CD2AP: variants seen among roughly 807,000 people sequenced by gnomAD.
CD2AP encodes the protein CD2-associated protein.
CD2AP carries 46 observed loss-of-function variants against 85.1 expected under a neutral mutation model. The ratio of observed to expected loss-of-function variants is 0.54; its 90% confidence interval spans 0.43 to 0.69. The LOEUF is 0.69. Among genes scored for constraint, CD2AP ranks in the 30% least tolerant of loss-of-function variants. The pLI is 0.00. For missense variants in CD2AP, 769 were observed against 729.5 expected (o/e 1.05, Z -0.62); for synonymous variants, 255 against 252.9 (o/e 1.01, Z -0.08).
intron 5 of CD2AP, among the ~76,000 whole-genome samples, chr6:47,561,217 T>C (rs1212286114): frequency 6.6e-6 from 1 of 152,218 alleles, no homozygotes; most frequent in Non-Finnish European, 1.5e-5. Context: ...TATAAATCCA[T>C]GAAAACATGT....
intron 5 of CD2AP, among the ~76,000 whole-genome samples, chr6:47,559,648 A>G (rs1255920246): frequency 2.0e-5 from 3 of 152,214 alleles, no homozygotes; most frequent in Non-Finnish European, 4.4e-5. Context: ...TCTAGAAATC[A>G]TTAAGATTAT....
At chr6:47,606,422 G>C in intron 14 of CD2AP, 145 bp downstream of exon 14, 1 of 668,126 alleles carries the variant, frequency 1.5e-6, no homozygotes, top group Non-Finnish European at 2.7e-6. Flanking sequence ...TATTTAAGGA[G>C]ATAGAGGGAG....
At chr6:47,557,695 T>G (rs1767734310) in intron 5 of CD2AP, among the ~76,000 whole-genome samples, 1 of 152,234 alleles carries the variant, frequency 6.6e-6, no homozygotes, top group South Asian at 2.1e-4. Context: ...ATATCTTTTT[T>G]GGTACCAGAC....
In CD2AP at chr6:47,481,382, G is replaced by A. The variant is rs569841110; in HGVS notation, c.4+3134G>A. Among the ~76,000 whole-genome samples, 9 of 152,188 alleles carry A rather than the reference G, an allele frequency of 5.9e-5. 2 individuals carry two copies. In the South Asian group the frequency reaches 1.9e-3, roughly 32 times the overall value. On this transcript the variant is annotated intron_variant, in intron 1 of 17. Transcript: ENST00000359314. ...TGTTTTTTTGATGGAGTTTTGCTCT[G>A]TTGCCCAAGCTGGAGTGCTGTGGTG...
intron 2 of CD2AP, among the ~76,000 whole-genome samples, chr6:47,519,919 G>T (rs1463591515): frequency 6.6e-6 from 1 of 152,182 alleles, no homozygotes; most frequent in Non-Finnish European, 1.5e-5. Context: ...ATGAGAAAAT[G>T]TGGAACTAGC....
At chr6:47,618,721 T>G (rs533763390) in intron 17 of CD2AP, among the ~76,000 whole-genome samples, 2 of 152,352 alleles carry the variant, frequency 1.3e-5, no homozygotes, top group Admixed American at 1.3e-4. Context: ...TTTGTATATC[T>G]GACTTAATTT....
At chr6:47,560,086 T>G (rs1160765835) in intron 5 of CD2AP, among the ~76,000 whole-genome samples, 1 of 134,612 alleles carries the variant, frequency 7.4e-6, no homozygotes, top group Non-Finnish European at 1.8e-5. Flanking sequence ...GTGATTTATT[T>G]TGAAACTTTT....
chr6:47,533,598 G>T lies in CD2AP; in HGVS notation c.166-4G>T, dbSNP rs774063659. 3.1e-6 allele frequency: 5 copies of T among 1,612,986 alleles called. No homozygotes were observed. The highest frequency in any genetic ancestry group is 4.2e-6 in the Non-Finnish European group (5 of 1,179,500). ...TGCCTCTTTATTTATTTTCCCTTTTGTAGGAAATTAAAAGAGAGACGGAAT... is the reference window on the plus strand; with the variant it reads ...TGCCTCTTTATTTATTTTCCCTTTTTTAGGAAATTAAAAGAGAGACGGAAT... On this transcript the variant is annotated splice_region_variant and splice_polypyrimidine_tract_variant and intron_variant, in intron 2 of 17. Transcript: ENST00000359314.
intron 2 of CD2AP, among the ~76,000 whole-genome samples, chr6:47,524,570 G>A (rs1377793104): frequency 6.6e-6 from 1 of 151,752 alleles, no homozygotes; most frequent in Non-Finnish European, 1.5e-5. Context: ...AATCATTGTG[G>A]TATGTCTGAA....
At position 47,599,360 on chromosome 6, in the gene CD2AP, T is replaced by C. The variant is rs748941769; in HGVS notation, c.1334T>C (p.Leu445Pro). The C allele has an allele frequency of 2.2e-5, 36 of 1,611,554 alleles. No homozygotes were observed. Among genetic ancestry groups the C allele is most frequent in the Non-Finnish European group, 3.0e-5 (35 of 1,178,360 alleles). The change falls in exon 13 of 18, where the codon CTA (leucine) becomes CCA (proline). Residue 445 changes from leucine to proline, a missense_variant. By Grantham distance (98) the Leu-to-Pro change is moderately conservative. Coordinates refer to ENST00000359314, the MANE Select transcript of CD2AP (RefSeq NM_012120.3). ...TTTGAAACTGAGCCAGTATCAAAAC[T>C]AAAGCTAGATTCTGAACAGCTGCCC... is the stretch of plus-strand genomic sequence containing the variant. ...SKFETEPVSK[L>P]KLDSEQLPLR... is the part of the protein sequence containing the mutation.
At chr6:47,513,164 T>G (rs951653707) in intron 2 of CD2AP, among the ~76,000 whole-genome samples, 9 of 152,010 alleles carry the variant, frequency 5.9e-5, no homozygotes, top group Non-Finnish European at 1.2e-4. Flanking sequence ...TTTTTTCTTC[T>G]TTTAAAGTAA....
Position 47,577,021 on chromosome 6 carries a change from G to A in CD2AP, c.821G>A (p.Cys274Tyr). 2 of 1,468,506 alleles carry A rather than the reference G, an allele frequency of 1.4e-6. No individual in the cohort carries two copies. Among genetic ancestry groups the A allele is most frequent in the African/African-American group, 1.4e-5 (1 of 72,324 alleles). The allele number at this position is 1,468,506 out of a possible 1,614,324, so 91.0% of individuals were successfully genotyped here. ...TEGKIKAKEY[C>Y]RTLFAYEGTN... ...TTCTTTATTTCAGCTAAAGAATATT[G>A]TAGAACATTATTTGCCTATGAAGGT... Residue 274 changes from cysteine to tyrosine, a missense_variant, in exon 8 of 18, where the codon TGT (cysteine) becomes TAT (tyrosine). Physicochemically the swap from Cys to Tyr is radical, Grantham distance 194. Coordinates refer to ENST00000359314, the MANE Select transcript of CD2AP (RefSeq NM_012120.3).
chr6:47,549,460 CAAAAAAAAAA>C (rs67626138), intron 4 of CD2AP, among the ~76,000 whole-genome samples: 1 of 110,712 alleles, frequency 9.0e-6, no homozygotes, highest in Non-Finnish European at 1.8e-5. Flanking sequence ...ACAATAGCTG[CAAAAAAAAAA>C]AAAAAAAAAA....
chr6:47,624,199 A>G lies in CD2AP; in HGVS notation c.1892A>G (p.Lys631Arg). ...TTTTTGTTTTAGATGGAAATAGAGA[A>G]GCTGAAAAAAGCTGTCCTGTCTTCT... is the stretch of plus-strand genomic sequence containing the variant. ...MRSNLEMEIE[K>R]LKKAVLSS The change falls in exon 18 of 18, where the codon AAG becomes AGG. Residue 631 changes from lysine (K) to arginine (R), a missense_variant. Coordinates refer to ENST00000359314, the MANE Select transcript of CD2AP (RefSeq NM_012120.3). 3 of 1,611,876 alleles carry G rather than the reference A, an allele frequency of 1.9e-6. No individual in the cohort carries two copies. The highest frequency in any genetic ancestry group is 2.7e-5 in the African/African-American group (2 of 75,004).
intron 5 of CD2AP, among the ~76,000 whole-genome samples, chr6:47,556,094 T>C (rs1031454551): frequency 6.6e-6 from 1 of 150,614 alleles, no homozygotes; most frequent in South Asian, 2.1e-4. Context: ...AGTTCTGGGA[T>C]ACATGTACTG....
chr6:47,597,395 C>T (rs1264519095), intron 12 of CD2AP, among the ~76,000 whole-genome samples: 1 of 150,398 alleles, frequency 6.6e-6, no homozygotes, highest in Non-Finnish European at 1.5e-5. Flanking sequence ...GTTAGAAAAG[C>T]CAAGAAGCAG....
chr6:47,494,486 A>T (rs1765808327), intron 1 of CD2AP, among the ~76,000 whole-genome samples: 1 of 152,142 alleles, frequency 6.6e-6, no homozygotes, highest in Non-Finnish European at 1.5e-5. Flanking sequence ...AGTGGACTTA[A>T]ATCAGGGAAA....
At chr6:47,589,563 C>CAT (rs1346907208) in intron 11 of CD2AP, among the ~76,000 whole-genome samples, 1,099 of 46,626 alleles carry the variant, frequency 0.024, 19 homozygotes, top group African/African-American at 0.065. Context: ...CACACACACA[C>CAT]ACATATATAT....
At chr6:47,487,429 G>T (rs1048681881) in intron 1 of CD2AP, among the ~76,000 whole-genome samples, 1 of 152,246 alleles carries the variant, frequency 6.6e-6, no homozygotes, top group Admixed American at 6.5e-5. Flanking sequence ...GGTGGCTCAC[G>T]CCTGTAATCC....
Sources: allele counts gnomAD v4.1 joint callset (sites outside exome capture counted in the v4.1 genomes callset), GRCh38; gene constraint gnomAD v4.1.1; transcripts MANE v1.5; gene names NCBI Gene and HGNC (gene_info 2026-07-23, HGNC 2026-07-21).